SHTN1: variants seen among roughly 807,000 people sequenced by gnomAD.
SHTN1 encodes shootin-1.
SHTN1 carries 42 observed loss-of-function variants against 83.1 expected under a neutral mutation model. The ratio of observed to expected loss-of-function variants is 0.51; its 90% CI spans 0.39 to 0.65. The LOEUF (loss-of-function observed/expected upper bound fraction) is 0.65. Among genes scored for constraint, SHTN1 ranks in the 30% least tolerant of loss-of-function variants. SHTN1 has a pLI of 0.00. For synonymous variants in SHTN1, 224 were observed against 247.7 expected (o/e 0.90, Z 0.90); for missense variants, 622 against 737.8 (o/e 0.84, Z 1.82).
At chr10:117,029,894 C>CTT (rs34426369) in intron 2 of SHTN1, among the ~76,000 whole-genome samples, 2 of 113,404 alleles carry the variant, frequency 1.8e-5, no homozygotes, top group Non-Finnish European at 3.7e-5. Flanking sequence ...CTCTCTCTTT[C>CTT]TTTTTTTTTT....
intron 1 of SHTN1, among the ~76,000 whole-genome samples, chr10:116,997,037 CCT>C (rs1851650160): frequency 6.6e-6 from 1 of 152,182 alleles, no homozygotes; most frequent in Non-Finnish European, 1.5e-5. Flanking sequence ...ATCTGCCTTC[CCT>C]CTGTCTGCCT....
chr10:117,124,203 T>C (rs1434202420), intron 1 of SHTN1, among the ~76,000 whole-genome samples: 1 of 147,466 alleles, frequency 6.8e-6, no homozygotes, highest in African/African-American at 2.5e-5. Context: ...CAGAGCAAGA[T>C]TATGTCTCAA....
At chr10:116,902,085 C>T (rs1241487162) in intron 15 of SHTN1, 128 bp from the exon 16 acceptor site, 1 of 793,242 alleles carries the variant, frequency 1.3e-6, no homozygotes, top group South Asian at 2.0e-5. Context: ...ATTTCAAGAG[C>T]ATGCTGGAAA....
intron 1 of SHTN1, among the ~76,000 whole-genome samples, chr10:116,985,627 C>T (rs989398294): frequency 2.6e-5 from 4 of 152,140 alleles, no homozygotes; most frequent in South Asian, 2.1e-4. Flanking sequence ...GTCTCTTATA[C>T]ATCATATATT....
intron 1 of SHTN1, among the ~76,000 whole-genome samples, chr10:117,122,938 C>G (rs1329520552): frequency 6.6e-6 from 1 of 152,218 alleles, no homozygotes; most frequent in Admixed American, 6.5e-5. Flanking sequence ...CTGACTCTTA[C>G]AATTCAAGAG....
intron 15 of SHTN1, among the ~76,000 whole-genome samples, chr10:116,905,424 G>A (rs1216316019): frequency 6.6e-6 from 1 of 152,088 alleles, no homozygotes; most frequent in African/African-American, 2.4e-5. Context: ...CACAGTAGGA[G>A]GGGAGAATCT....
chr10:117,018,511 A>ATTTT (rs773889109), intron 2 of SHTN1, among the ~76,000 whole-genome samples: 6,658 of 137,068 alleles, frequency 0.049, 180 homozygotes, highest in Middle Eastern at 0.064. Flanking sequence ...TTTTTTTAAA[A>ATTTT]AAAAAAAAAA....
At chr10:116,956,838 A>C (rs890185698) in intron 4 of SHTN1, among the ~76,000 whole-genome samples, 5 of 152,178 alleles carry the variant, frequency 3.3e-5, no homozygotes, top group Admixed American at 6.5e-5. Context: ...CCAATCAGAA[A>C]ATTTCATAAT....
intron 9 of SHTN1, among the ~76,000 whole-genome samples, chr10:116,935,814 C>G (rs1857989910): frequency 6.6e-6 from 1 of 151,922 alleles, no homozygotes; most frequent in Non-Finnish European, 1.5e-5. Flanking sequence ...TTTTGGTTAG[C>G]AGGCTATTAA....
At chr10:116,955,951 A>AT (rs1468628539) in intron 4 of SHTN1, among the ~76,000 whole-genome samples, 7 of 152,194 alleles carry the variant, frequency 4.6e-5, no homozygotes, top group Admixed American at 4.6e-4. Flanking sequence ...GAAAATTCAG[A>AT]TAAAAACTGT....
intron 1 of SHTN1, among the ~76,000 whole-genome samples, chr10:117,106,412 G>A (rs746710931): frequency 8.7e-5 from 13 of 150,216 alleles, no homozygotes; most frequent in African/African-American, 1.5e-4. Flanking sequence ...CCGTGATTGC[G>A]CCACTGCACT....
intron 1 of SHTN1, among the ~76,000 whole-genome samples, chr10:117,076,294 G>A (rs1853152870): frequency 1.3e-5 from 2 of 152,108 alleles, no homozygotes; most frequent in Admixed American, 6.6e-5. Context: ...GTGACAGTAG[G>A]GGTAGAAAGG....
chr10:116,922,119 T>C (rs536462905), intron 11 of SHTN1, among the ~76,000 whole-genome samples: 102 of 152,204 alleles, frequency 6.7e-4, no homozygotes, highest in Admixed American at 1.6e-3. Context: ...AAAGAAATTC[T>C]ACAGATCAAT....
rs7920250 is a variant in SHTN1 at position 116,952,712 on chromosome 10, G to C, written c.437-706C>G. Among the ~76,000 whole-genome samples the C allele has an allele frequency of 5.2e-3, 793 of 152,290 alleles. 10 individuals are homozygous for C. Among genetic ancestry groups the C allele is most frequent in the African/African-American group, 0.018 (755 of 41,566 alleles). Reference sequence around the variant, plus strand: ...AATGTTTGAAAATACACATAGATTAGCACAGACTACTCAAATTCATATTCT... The same window carrying C: ...AATGTTTGAAAATACACATAGATTACCACAGACTACTCAAATTCATATTCT... On this transcript the variant is annotated intron_variant, in intron 5 of 16. Transcript: ENST00000355371.
At chr10:116,983,307 T>C (rs1460038049) in intron 1 of SHTN1, among the ~76,000 whole-genome samples, 1 of 152,190 alleles carries the variant, frequency 6.6e-6, no homozygotes, top group Non-Finnish European at 1.5e-5. Context: ...ACATGTTAGC[T>C]ATGGTTATTA....
intron 1 of SHTN1, among the ~76,000 whole-genome samples, chr10:117,053,024 A>AAAAAAAAAAAAAAAAAAAAAAAAAAAAAG (rs1554934278): frequency 0.047 from 2,394 of 51,174 alleles, 913 homozygotes; most frequent in Non-Finnish European, 0.1. Context: ...TGTCTCAAAA[A>AAAAAAAAAAAAAAAAAAAAAAAAAAAAAG]AAAAAAGAAT....
intron 1 of SHTN1, among the ~76,000 whole-genome samples, chr10:117,103,544 T>C (rs1341266494): frequency 1.9e-3 from 252 of 134,174 alleles, no homozygotes; most frequent in African/African-American, 6.9e-3. Flanking sequence ...TTTTTTTTTT[T>C]TTTTTTTTTT....
chr10:116,931,653 A>G (rs1013042180), intron 9 of SHTN1, among the ~76,000 whole-genome samples: 48 of 152,222 alleles, frequency 3.2e-4, no homozygotes, highest in African/African-American at 1.1e-3. Flanking sequence ...ATACTATGCA[A>G]CTTTTAAATC....
chr10:116,915,990 A>G (rs554339253), intron 12 of SHTN1, among the ~76,000 whole-genome samples: 1 of 152,360 alleles, frequency 6.6e-6, no homozygotes, highest in South Asian at 2.1e-4. Flanking sequence ...GTAAATAAAT[A>G]AAATCTATTT....
Sources: allele counts gnomAD v4.1 joint callset (sites outside exome capture counted in the v4.1 genomes callset), GRCh38; gene constraint gnomAD v4.1.1; transcripts MANE v1.5; gene names NCBI Gene and HGNC (gene_info 2026-07-23, HGNC 2026-07-21).